PCDHA2: variants seen among roughly 807,000 people sequenced by gnomAD.
The protein encoded by PCDHA2 is protocadherin alpha 2.
PCDHA2 carries 58 observed loss-of-function variants against 66.0 expected under a neutral mutation model. The ratio of observed to expected loss-of-function variants is 0.88; its 90% CI spans 0.71 to 1.09. PCDHA2 has a LOEUF of 1.09. Ranked by LOEUF, PCDHA2 falls within the 50% of genes least tolerant of loss-of-function variation. The pLI, the probability that PCDHA2 is intolerant of heterozygous loss-of-function variation, is 0.00. For missense variants in PCDHA2, 1,267 were observed against 1,242.3 expected (o/e 1.02, Z -0.30); for synonymous variants, 634 against 554.0 (o/e 1.14, Z -2.03).
chr5:140,807,611 A>G (rs782442126), intron 1 of PCDHA2: 11 of 1,614,108 alleles, frequency 6.8e-6, no homozygotes, highest in African/African-American at 4.0e-5. Flanking sequence ...GAACCTGTCC[A>G]TCGCGGAATC....
chr5:140,805,047 C>T (rs782694082), intron 1 of PCDHA2: 13 of 1,590,074 alleles, frequency 8.2e-6, no homozygotes, highest in Non-Finnish European at 1.1e-5. Flanking sequence ...AGCCAAAGTA[C>T]TTGTCTTCCC....
At chr5:140,936,446 C>G (rs1200299868) in intron 1 of PCDHA2, among the ~76,000 whole-genome samples, 1 of 152,164 alleles carries the variant, frequency 6.6e-6, no homozygotes, top group Non-Finnish European at 1.5e-5. Flanking sequence ...TAAATAACCA[C>G]ATCTGTTTAG....
intron 1 of PCDHA2, among the ~76,000 whole-genome samples, chr5:140,818,671 T>C (rs1766414418): frequency 1.3e-5 from 2 of 152,212 alleles, no homozygotes; most frequent in East Asian, 1.9e-4. Context: ...ACTCCATCTT[T>C]ACAAAAAATG....
At chr5:141,007,329 TTGCCTGAGCTCAG>T (rs1554261175) in intron 3 of PCDHA2, among the ~76,000 whole-genome samples, 2 of 149,734 alleles carry the variant, frequency 1.3e-5, no homozygotes. Context: ...AGTGGACAGA[TTGCCTGAGCTCAG>T]GAGTTCGAGA....
At chr5:140,844,393 C>A (rs1368832554) in intron 1 of PCDHA2, among the ~76,000 whole-genome samples, 1 of 149,238 alleles carries the variant, frequency 6.7e-6, no homozygotes. Context: ...ATTATTTAGA[C>A]CATTTTACCA....
intron 1 of PCDHA2, among the ~76,000 whole-genome samples, chr5:140,895,524 G>A (rs891938988): frequency 2.3e-4 from 35 of 152,128 alleles, no homozygotes; most frequent in African/African-American, 7.2e-4. Context: ...TGGTTTATTC[G>A]TTTTTCAATT....
intron 1 of PCDHA2, among the ~76,000 whole-genome samples, chr5:140,878,707 A>C (rs1450914173): frequency 2.0e-5 from 3 of 152,232 alleles, no homozygotes; most frequent in Non-Finnish European, 4.4e-5. Context: ...GCCTGGTAGT[A>C]AAGGCATTAA....
At chr5:140,843,680 G>A (rs2150364967) in intron 1 of PCDHA2, 1 of 1,588,882 alleles carries the variant, frequency 6.3e-7, no homozygotes, top group Non-Finnish European at 8.6e-7. Context: ...TGATGTAGGC[G>A]AAGAGCAAGA....
At chr5:140,833,865 GA>G (rs1242582364) in intron 1 of PCDHA2, among the ~76,000 whole-genome samples, 1 of 152,098 alleles carries the variant, frequency 6.6e-6, no homozygotes, top group African/African-American at 2.4e-5. Flanking sequence ...ACTGAATCAA[GA>G]ATATGAAGTT....
chr5:140,856,141 C>T (rs782290263), intron 1 of PCDHA2: 3 of 1,598,260 alleles, frequency 1.9e-6, no homozygotes, highest in Middle Eastern at 1.7e-4. Context: ...GCCAGCTCCA[C>T]TACTCAGTCT....
chr5:140,969,454 A>T, intron 1 of PCDHA2: 1 of 1,511,824 alleles, frequency 6.6e-7, no homozygotes. Flanking sequence ...AACTGAGTAT[A>T]TATAGTATCC....
chr5:140,802,119 A>G (rs1554121874), intron 1 of PCDHA2: 14 of 1,614,242 alleles, frequency 8.7e-6, no homozygotes, highest in Non-Finnish European at 1.1e-5. Flanking sequence ...AAAGGGTAAC[A>G]TAGATTTCGA....
chr5:140,871,344 G>A (rs533115257), intron 1 of PCDHA2: 1 of 1,614,200 alleles, frequency 6.2e-7, no homozygotes, highest in African/African-American at 1.3e-5. Flanking sequence ...TGGGGAGCTG[G>A]TCATACTCGC....
intron 3 of PCDHA2, among the ~76,000 whole-genome samples, chr5:140,993,203 A>AT (rs200893072): frequency 0.015 from 2,264 of 152,198 alleles, 62 homozygotes; most frequent in African/African-American, 0.051. Flanking sequence ...ACTAAAGCTA[A>AT]TTTTTTTAGC....
At position 140,872,763 on chromosome 5, in the gene PCDHA2, G is replaced by T. The variant is rs560485194; in HGVS notation, c.2388+75411G>T. The stretch of plus-strand genomic sequence containing the variant: ...AACTTGCTAAAGACATGCATATAGG[G>T]CTATATTATCTATAATATATGCTAG... On this transcript the variant is annotated intron_variant, in intron 1 of 3. Transcript: ENST00000526136. Among the ~76,000 whole-genome samples, 293 of 152,126 alleles carry T rather than the reference G, an allele frequency of 1.9e-3. 2 individuals are homozygous for T. The highest frequency in any genetic ancestry group is 3.6e-3 in the Non-Finnish European group (245 of 67,974).
At chr5:140,861,374 T>C in intron 1 of PCDHA2, 1 of 409,110 alleles carries the variant, frequency 2.4e-6, no homozygotes, top group Middle Eastern at 9.4e-4. Context: ...CGGTCCCTAT[T>C]GCGCAGGACC....
At chr5:140,836,028 G>T (rs2150251055) in intron 1 of PCDHA2, 61 of 1,613,392 alleles carry the variant, frequency 3.8e-5, no homozygotes, top group Non-Finnish European at 4.9e-5. Flanking sequence ...GGGCAGCAAC[G>T]TGACGCTGCA....
chr5:140,953,713 A>T (rs1372806666), intron 1 of PCDHA2, among the ~76,000 whole-genome samples: 1 of 152,218 alleles, frequency 6.6e-6, no homozygotes, highest in Admixed American at 6.5e-5. Context: ...TGAGCTTCAG[A>T]CATTGTGTTT....
At chr5:140,889,456 T>A (rs1328565593) in intron 1 of PCDHA2, among the ~76,000 whole-genome samples, 1 of 152,126 alleles carries the variant, frequency 6.6e-6, no homozygotes, top group Admixed American at 6.5e-5. Flanking sequence ...TTAATCTAAA[T>A]TTTCAGTTAT....
Sources: gnomAD v4.1 joint callset for allele counts (sites outside exome capture counted in the v4.1 genomes callset) on GRCh38, gnomAD v4.1.1 for gene constraint, MANE v1.5 for transcripts, NCBI Gene and HGNC (gene_info 2026-07-23, HGNC 2026-07-21) for gene names.